RBFOX2: variants seen among roughly 807,000 people sequenced by gnomAD.
The protein encoded by RBFOX2 is RNA binding protein fox-1 homolog 2.
Under a neutral mutation model 49.1 loss-of-function variants are expected in RBFOX2, and 10 were observed. The observed-to-expected ratio is 0.20, with a 90% CI of 0.13 to 0.35. The LOEUF (loss-of-function observed/expected upper bound fraction) is 0.35. RBFOX2 is among the 10% of genes least tolerant of loss of function. RBFOX2 has a pLI of 1.00. For missense variants in RBFOX2, 323 were observed against 486.9 expected (o/e 0.66, Z 3.17); for synonymous variants, 183 against 187.4 (o/e 0.98, Z 0.19).
rs1366832538 is a variant in RBFOX2, at chr22:35,807,947, T to C, written c.252+1833A>G. ...TAAAACGATTATATGAAATTATGAA[T>C]AACTTTATACCAACAAAATTGACAA... On this transcript the variant is annotated intron_variant, in intron 2 of 11. Transcript: ENST00000405409. Among the ~76,000 whole-genome samples the C allele has an allele frequency of 3.9e-5, 6 of 151,944 alleles. No individual in the cohort carries two copies. In the East Asian group the frequency reaches 1.2e-3, roughly 29 times the overall value.
At chr22:35,875,738 C>T (rs1393589268) in intron 1 of RBFOX2, among the ~76,000 whole-genome samples, 5 of 151,370 alleles carry the variant, frequency 3.3e-5, no homozygotes, top group Non-Finnish European at 1.5e-5. Flanking sequence ...GTCCCGACTA[C>T]CCTTTTCCAA....
At chr22:35,902,458 C>A (rs976049323) in intron 1 of RBFOX2, among the ~76,000 whole-genome samples, 6 of 152,092 alleles carry the variant, frequency 3.9e-5, no homozygotes, top group Non-Finnish European at 7.4e-5. Context: ...ATCACATAAC[C>A]AAGCTGACTG....
At chr22:35,872,307 G>A (rs1163763231) in intron 1 of RBFOX2, among the ~76,000 whole-genome samples, 1 of 152,156 alleles carries the variant, frequency 6.6e-6, no homozygotes, top group Non-Finnish European at 1.5e-5. Flanking sequence ...AGTGTCTAGG[G>A]GTGAGAGTTT....
In RBFOX2 at chr22:35,781,937, C is replaced by T. The variant is rs117753369; in HGVS notation, c.253-191G>A. On this transcript the variant is annotated intron_variant, in intron 2 of 11. Transcript: ENST00000405409. ...ATGCTATTAATGTTCTAAATGCTAC[C>T]GTCTACAAACAAAATGTTGGTGTTT... Among the ~76,000 whole-genome samples, 14 of 152,206 alleles carry T rather than the reference C, an allele frequency of 9.2e-5. No homozygotes were observed. In the East Asian group the frequency reaches 1.7e-3, roughly 19 times the overall value.
intron 2 of RBFOX2, among the ~76,000 whole-genome samples, chr22:35,807,547 C>T (rs143391140): frequency 7.7e-4 from 114 of 148,326 alleles, no homozygotes; most frequent in African/African-American, 2.6e-3. Context: ...ATGTCTCGAA[C>T]GAAAAAAAAA....
At chr22:35,775,736 G>T (rs1943716096) in intron 4 of RBFOX2, among the ~76,000 whole-genome samples, 1 of 150,888 alleles carries the variant, frequency 6.6e-6, no homozygotes, top group Non-Finnish European at 1.5e-5. Context: ...AGCTACTCGG[G>T]AAGCTGAGGC....
chr22:35,988,106 C>G (rs972749006), intron 1 of RBFOX2, among the ~76,000 whole-genome samples: 13 of 152,160 alleles, frequency 8.5e-5, no homozygotes, highest in Non-Finnish European at 1.9e-4. Context: ...CCAGTGAAAG[C>G]CAGAGGTAAA....
At position 35,759,621 on chromosome 22, in the gene RBFOX2, A is replaced by G. The variant is rs896307027; in HGVS notation, c.887+267T>C. ...TCATGCCAACACACTGCTAGTAAAC[A>G]CAAGACGGTTCTGGCTACTGTCTTA... On this transcript the variant is annotated intron_variant, in intron 9 of 11. Transcript: ENST00000405409. This position sits in a 1 kb window ranked among gnomAD's most constrained non-coding sequence, Gnocchi z 4.6. 2.6e-5 allele frequency among the ~76,000 whole-genome samples: 4 copies of G among 152,330 alleles called. No individual in the cohort carries two copies. The highest frequency in any genetic ancestry group is 6.5e-5 in the Admixed American group (1 of 15,308).
chr22:35,787,164 C>T (rs368165011), intron 2 of RBFOX2, among the ~76,000 whole-genome samples: 36 of 152,222 alleles, frequency 2.4e-4, no homozygotes, highest in East Asian at 7.7e-4. Flanking sequence ...CTTAGCCTCC[C>T]AAATAGCTGG....
chr22:35,822,051 C>T (rs1002252475), intron 1 of RBFOX2: 8 of 480,826 alleles, frequency 1.7e-5, no homozygotes, highest in African/African-American at 1.6e-4. Flanking sequence ...GCCAGCCTTT[C>T]TGCCTTGTCT....
chr22:35,805,289 CAAA>C (rs748086413), intron 2 of RBFOX2, among the ~76,000 whole-genome samples: 1 of 37,914 alleles, frequency 2.6e-5, no homozygotes, highest in Non-Finnish European at 5.9e-5. Context: ...GACTCCGTCT[CAAA>C]AAAAAAAAAA....
intron 1 of RBFOX2, among the ~76,000 whole-genome samples, chr22:35,846,022 T>C (rs372341911): frequency 2.0e-5 from 3 of 150,986 alleles, no homozygotes; most frequent in South Asian, 2.1e-4. Context: ...AATATAATTA[T>C]ATAAACTATA....
upstream of RBFOX2, among the ~76,000 whole-genome samples, chr22:35,964,759 G>A (rs1336846405): frequency 2.0e-5 from 3 of 152,146 alleles, no homozygotes; most frequent in East Asian, 3.8e-4. Context: ...CCAAGGTCAC[G>A]TGTCTGCTAC....
At chr22:35,993,620 T>C (rs1190830775) in intron 1 of RBFOX2, 1 of 152,182 alleles carries the variant, frequency 6.6e-6, no homozygotes, top group Non-Finnish European at 1.5e-5. Context: ...ACAGAAACTA[T>C]GAGATAATAA....
intron 1 of RBFOX2, among the ~76,000 whole-genome samples, chr22:35,889,629 AACTTC>A (rs1298239626): frequency 4.6e-5 from 7 of 152,070 alleles, no homozygotes; most frequent in African/African-American, 1.7e-4. Context: ...TCTAATTATA[AACTTC>A]ACTTCACCCT....
intron 9 of RBFOX2, chr22:35,750,353 C>T: frequency 9.1e-7 from 1 of 1,096,956 alleles, no homozygotes; most frequent in African/African-American, 1.5e-5. Flanking sequence ...TTTAACCATG[C>T]ACTGATGCAA....
intron 1 of RBFOX2, among the ~76,000 whole-genome samples, chr22:35,980,036 A>C (rs2057380963): frequency 6.6e-6 from 1 of 152,202 alleles, no homozygotes; most frequent in Non-Finnish European, 1.5e-5. Flanking sequence ...TAAACTAGTA[A>C]AGGGTTACTG....
intron 1 of RBFOX2, among the ~76,000 whole-genome samples, chr22:35,955,129 A>G (rs1441988466): frequency 6.6e-6 from 1 of 152,214 alleles, no homozygotes; most frequent in Non-Finnish European, 1.5e-5. Context: ...TCCATTCATG[A>G]CTTAAAGAAC....
intron 1 of RBFOX2, among the ~76,000 whole-genome samples, chr22:35,859,649 A>T (rs2042905319): frequency 6.6e-6 from 1 of 152,216 alleles, no homozygotes. Context: ...ATGGCATACA[A>T]ACTGTGAGGC....
Sources: allele counts gnomAD v4.1 joint callset (sites outside exome capture counted in the v4.1 genomes callset), GRCh38; gene constraint gnomAD v4.1.1; non-coding constraint Gnocchi (gnomAD v3.1); transcripts MANE v1.5; gene names NCBI Gene and HGNC (gene_info 2026-07-23, HGNC 2026-07-21).